Variants in DAPK2 observed in about 807,000 individuals in gnomAD.
DAPK2 encodes the protein death-associated protein kinase 2.
DAPK2 carries 35 observed loss-of-function variants against 44.1 expected under a neutral mutation model. The observed-to-expected ratio is 0.79, with a 90% CI of 0.61 to 1.05. The LOEUF is 1.05. Ranked by LOEUF, DAPK2 falls within the 50% of genes least tolerant of loss-of-function variation. The probability of loss-of-function intolerance (pLI) is 0.00; values close to 1 mark genes in which losing one functional copy is unlikely to be tolerated. For missense variants in DAPK2, 453 were observed against 483.2 expected, an observed-to-expected ratio of 0.94 and a Z score of 0.59; for synonymous variants, 174 against 182.6, an observed-to-expected ratio of 0.95 and a Z score of 0.38.
At position 63,991,250 on chromosome 15, in the gene DAPK2, T is replaced by C. The variant is rs530655050; in HGVS notation, c.93-7496A>G. 10 of 456,272 alleles carry C rather than the reference T, an allele frequency of 2.2e-5. No homozygotes were observed. The Admixed American group carries it at 2.3e-4, about 11-fold the overall frequency. 28.3% of individuals were successfully genotyped at this position (456,272 alleles called of 1,614,324 possible). A position where few individuals can be genotyped will look rare whatever the true frequency, so the allele number is the denominator to read the frequency against. ...TACCAAAGCCAGGTGGGCAGTGCGC[T>C]GGGAACTAGATGGGCATGACAGGAG... is the stretch of plus-strand genomic sequence containing the variant. On this transcript the variant is annotated intron_variant, in intron 1 of 10. Transcript: ENST00000261891.
In DAPK2 at chr15:63,966,724, A is replaced by G. The variant is rs772909707; in HGVS notation, c.453+4699T>C. On this transcript the variant is annotated intron_variant, in intron 3 of 10. Transcript: ENST00000261891. This position sits in a 1 kb window ranked among gnomAD's most constrained non-coding sequence, Gnocchi z 5.5. ...TGTGACAGGGCAGCACTGAGTTTCA[A>G]TGCAAAGTCCCACAATTGCTGCACT... 6.6e-6 allele frequency among the ~76,000 whole-genome samples: 1 copy of G among 152,122 alleles called. No homozygotes were observed. The highest frequency in any genetic ancestry group is 1.5e-5 in the Non-Finnish European group (1 of 68,010).
chr15:63,964,283 C>T (rs1316790027), intron 3 of DAPK2, among the ~76,000 whole-genome samples: 2 of 152,172 alleles, frequency 1.3e-5, no homozygotes, highest in East Asian at 3.8e-4. Context: ...CCTCTCCTGG[C>T]CTATAAGGTT....
chr15:63,975,229 G>A (rs565206398), intron 2 of DAPK2, among the ~76,000 whole-genome samples: 4 of 152,174 alleles, frequency 2.6e-5, no homozygotes, highest in Admixed American at 1.3e-4. Flanking sequence ...CAGGACCTTG[G>A]GATCACTTGG....
At chr15:64,027,245 G>A (rs553866328) in intron 1 of DAPK2, among the ~76,000 whole-genome samples, 10 of 152,220 alleles carry the variant, frequency 6.6e-5, no homozygotes, top group South Asian at 2.1e-4. Context: ...CTAACCAGGC[G>A]TAGTGGTGTG....
rs574602541 is a variant in DAPK2 at position 63,924,034 on chromosome 15, G to T, written c.858+782C>A. Among the ~76,000 whole-genome samples the T allele has an allele frequency of 2.0e-5, 3 of 152,152 alleles. No individual in the cohort carries two copies. In the South Asian group the frequency reaches 6.2e-4, roughly 32 times the overall value. ...CCTTTCTTATGGTCATTTCATCCTT[G>T]CTGGCCTTCTCACATAACAGTTAAG... On this transcript the variant is annotated intron_variant, in intron 8 of 10. Coordinates refer to ENST00000261891, the Ensembl canonical transcript of DAPK2.
At chr15:64,045,079 G>A (rs953333510), upstream of DAPK2, among the ~76,000 whole-genome samples, 4 of 152,228 alleles carry the variant, frequency 2.6e-5, no homozygotes, top group African/African-American at 9.6e-5. Flanking sequence ...CAAAGATCCA[G>A]CTCCCTTGGG....
At chr15:63,940,899 A>T (rs1168954391) in intron 3 of DAPK2, among the ~76,000 whole-genome samples, 1 of 152,136 alleles carries the variant, frequency 6.6e-6, no homozygotes, top group African/African-American at 2.4e-5. Context: ...CAGAAAGTAG[A>T]TTAGTAGTCC....
chr15:63,982,786 C>T (rs985667369), intron 2 of DAPK2, among the ~76,000 whole-genome samples: 2 of 152,190 alleles, frequency 1.3e-5, no homozygotes, highest in Non-Finnish European at 2.9e-5. Context: ...TGTAAGTGTC[C>T]TGGCCTCTCA....
At chr15:64,009,074 C>A (rs1292848006) in intron 1 of DAPK2, among the ~76,000 whole-genome samples, 2 of 152,182 alleles carry the variant, frequency 1.3e-5, no homozygotes, top group African/African-American at 4.8e-5. Flanking sequence ...ATTTTCACCT[C>A]CTGTGCATAC....
At chr15:63,937,848 G>A (rs1355789202) in intron 4 of DAPK2, among the ~76,000 whole-genome samples, 1 of 152,090 alleles carries the variant, frequency 6.6e-6, no homozygotes, top group African/African-American at 2.4e-5. Context: ...GTGAATGGTG[G>A]GTAGCAACTG....
At chr15:63,925,455 C>T (rs1421638418) in intron 7 of DAPK2, among the ~76,000 whole-genome samples, 2 of 152,018 alleles carry the variant, frequency 1.3e-5, no homozygotes, top group Non-Finnish European at 2.9e-5. Flanking sequence ...CTTCTTTGAC[C>T]CCACAGCCAC....
chr15:63,958,185 C>T (rs2077781629), intron 3 of DAPK2, among the ~76,000 whole-genome samples: 1 of 151,964 alleles, frequency 6.6e-6, no homozygotes. Context: ...ATCCTTTGTG[C>T]ACTTTTTGAT....
chr15:63,923,324 G>A lies in DAPK2; in HGVS notation c.858+1492C>T. ...GGGCTCTGTCTTCCGCTGTTCAGGG[G>A]CTCTGCCTTCTCCTTTTGACTGGTG... On this transcript the variant is annotated intron_variant, in intron 8 of 10. Coordinates refer to ENST00000261891, the Ensembl canonical transcript of DAPK2. This position sits in a 1 kb window ranked among gnomAD's most constrained non-coding sequence, Gnocchi z 4.2. The A allele has an allele frequency of 1.3e-6, 2 of 1,535,522 alleles. No homozygotes were observed. Among genetic ancestry groups the A allele is most frequent in the Non-Finnish European group, 8.7e-7 (1 of 1,146,410 alleles).
At chr15:63,930,657 A>G (rs1039729931) in intron 4 of DAPK2, among the ~76,000 whole-genome samples, 1 of 152,202 alleles carries the variant, frequency 6.6e-6, no homozygotes, top group Non-Finnish European at 1.5e-5. Flanking sequence ...CCCCAAATTC[A>G]TATATCGAAA....
At chr15:63,971,104 T>A (rs1365134854) in intron 3 of DAPK2, among the ~76,000 whole-genome samples, 1 of 152,200 alleles carries the variant, frequency 6.6e-6, no homozygotes, top group East Asian at 1.9e-4. Context: ...GTGAAAGGTG[T>A]TTGGTTTCAA....
At chr15:64,017,332 G>A (rs1040942633) in intron 1 of DAPK2, among the ~76,000 whole-genome samples, 1 of 152,092 alleles carries the variant, frequency 6.6e-6, no homozygotes, top group Non-Finnish European at 1.5e-5. Flanking sequence ...TGCCTCACAG[G>A]GCAGTTGTAA....
intron 3 of DAPK2, among the ~76,000 whole-genome samples, chr15:63,955,597 C>T (rs1190425423): frequency 6.6e-6 from 1 of 152,094 alleles, no homozygotes; most frequent in African/African-American, 2.4e-5. Flanking sequence ...GAGACAGGGT[C>T]TCACTCTGTC....
chr15:63,937,309 G>A (rs2077188228), intron 4 of DAPK2, among the ~76,000 whole-genome samples: 1 of 152,198 alleles, frequency 6.6e-6, no homozygotes, highest in African/African-American at 2.4e-5. Flanking sequence ...CAACATGCCA[G>A]TACCTTGAAA....
intron 3 of DAPK2, among the ~76,000 whole-genome samples, chr15:63,961,124 T>C (rs1346643755): frequency 3.3e-5 from 5 of 152,214 alleles, no homozygotes; most frequent in Non-Finnish European, 1.5e-5. Flanking sequence ...TCTCTTTTGA[T>C]CTTTGTTGGT....
Sources: gnomAD v4.1 joint callset for allele counts (sites outside exome capture counted in the v4.1 genomes callset) on GRCh38, gnomAD v4.1.1 for gene constraint, Gnocchi (gnomAD v3.1) non-coding constraint, MANE v1.5 for transcripts, NCBI Gene and HGNC (gene_info 2026-07-23, HGNC 2026-07-21) for gene names.